Variants in GABRB3 observed in about 807,000 individuals in gnomAD.
GABRB3 encodes the protein gamma-aminobutyric acid receptor subunit beta-3.
Under a neutral mutation model 52.1 loss-of-function variants are expected in GABRB3, and 14 were observed. That is an observed-to-expected ratio of 0.27 (90% confidence interval 0.18 to 0.42). The LOEUF (loss-of-function observed/expected upper bound fraction) is 0.42. GABRB3 is among the 10% of genes least tolerant of loss of function. The probability of loss-of-function intolerance (pLI) is 1.00; values close to 1 mark genes in which losing one functional copy is unlikely to be tolerated. For synonymous variants in GABRB3, 260 were observed against 232.3 expected (o/e 1.12, Z -1.08); for missense variants, 307 against 609.1 (o/e 0.50, Z 5.22).
intron 3 of GABRB3, among the ~76,000 whole-genome samples, chr15:26,656,702 G>A (rs991396653): frequency 3.9e-5 from 6 of 152,168 alleles, no homozygotes; most frequent in Admixed American, 6.5e-5. Flanking sequence ...CCTTATGAGA[G>A]TCGAATGCCT....
chr15:26,768,196 GA>G (rs929608759), intron 3 of GABRB3, among the ~76,000 whole-genome samples: 5 of 150,820 alleles, frequency 3.3e-5, no homozygotes, highest in African/African-American at 7.3e-5. Context: ...CATGAAATGA[GA>G]AAAAAAAAGT....
chr15:26,704,600 T>C (rs540947462), intron 3 of GABRB3, among the ~76,000 whole-genome samples: 210 of 146,874 alleles, frequency 1.4e-3, no homozygotes, highest in African/African-American at 5.0e-3. Flanking sequence ...TTCTCTCTTC[T>C]CATATTTTAC....
In GABRB3 at chr15:26,755,005, CT is replaced by C. The variant is rs5811447; in HGVS notation, c.240+17396del. Among the ~76,000 whole-genome samples the C allele has an allele frequency of 4.6e-3, 638 of 139,140 alleles. 3 individuals are homozygous for C. Among genetic ancestry groups the C allele is most frequent in the African/African-American group, 0.015 (565 of 37,440 alleles). The allele number at this position is 139,140 out of a possible 152,430, so 91.3% of individuals were successfully genotyped here. On this transcript the variant is annotated intron_variant, in intron 3 of 8. Transcript: ENST00000311550. ...TAAAAATGGTTAGAGCCTCTAACAA[CT>C]TTTTTTTTTTTTTTTTGAGACGGAG... is the stretch of plus-strand genomic sequence containing the variant.
rs535789633 is a variant in GABRB3 at position 26,699,032 on chromosome 15, G to T, written c.240+73370C>A. ...CATTCATATAGTGTGATGAGCGTTTGATTTTACATTAAGTTAATGTTATGA... is the reference window on the plus strand; with the variant it reads ...CATTCATATAGTGTGATGAGCGTTTTATTTTACATTAAGTTAATGTTATGA... On this transcript the variant is annotated intron_variant, in intron 3 of 8. Coordinates refer to ENST00000311550, the MANE Select transcript of GABRB3 (RefSeq NM_000814.6). Among the ~76,000 whole-genome samples, 79 of 152,166 alleles carry T rather than the reference G, an allele frequency of 5.2e-4. 1 individual carries two copies. The East Asian group carries it at 0.013, about 25-fold the overall frequency.
intron 3 of GABRB3, among the ~76,000 whole-genome samples, chr15:26,703,753 C>T (rs1566812109): frequency 6.6e-6 from 1 of 152,166 alleles, no homozygotes; most frequent in South Asian, 2.1e-4. Context: ...CAAGTAAGTC[C>T]AAAACCCAAA....
chr15:26,554,207 A>ATATATTTATT lies in GABRB3; in HGVS notation c.1081-6074_1081-6073insAATAAATATA, dbSNP rs1348288306. Among the ~76,000 whole-genome samples, 449 of 57,816 alleles carry ATATATTTATT rather than the reference A, an allele frequency of 7.8e-3. 78 individuals carry two copies. Among genetic ancestry groups the ATATATTTATT allele is most frequent in the Non-Finnish European group, 0.015 (374 of 24,134 alleles). The allele number at this position is 57,816 out of a possible 152,430, so 37.9% of individuals were successfully genotyped here. A position where few individuals can be genotyped will look rare whatever the true frequency, so the allele number is the denominator to read the frequency against. ...ATATATATACTATATATATATATATATAGTAGAAACAAGGTCTCTCTTTGT... is the reference window on the plus strand; with the variant it reads ...ATATATATACTATATATATATATATATATATTTATTTAGTAGAAACAAGGTCTCTCTTTGT... On this transcript the variant is annotated intron_variant, in intron 8 of 8. Coordinates refer to ENST00000311550, the MANE Select transcript of GABRB3 (RefSeq NM_000814.6).
At chr15:26,687,811 G>C (rs923060726) in intron 3 of GABRB3, among the ~76,000 whole-genome samples, 1 of 152,200 alleles carries the variant, frequency 6.6e-6, no homozygotes, top group Non-Finnish European at 1.5e-5. Context: ...CTTCTGTGAT[G>C]AATGTTCTTT....
chr15:26,761,883 G>A (rs1396744679), intron 3 of GABRB3, among the ~76,000 whole-genome samples: 1 of 152,132 alleles, frequency 6.6e-6, no homozygotes, highest in Non-Finnish European at 1.5e-5. Flanking sequence ...CGCCCAGGCT[G>A]GAGTGCAGTG....
At chr15:26,603,555 T>C (rs1891662287) in intron 4 of GABRB3, among the ~76,000 whole-genome samples, 3 of 152,158 alleles carry the variant, frequency 2.0e-5, no homozygotes, top group East Asian at 3.9e-4. Flanking sequence ...TTCAAGAATA[T>C]GTTAAAACAA....
At chr15:26,655,673 T>G (rs1006440422) in intron 3 of GABRB3, among the ~76,000 whole-genome samples, 27 of 149,136 alleles carry the variant, frequency 1.8e-4, no homozygotes, top group African/African-American at 6.2e-4. Context: ...ATCCAGGAGG[T>G]GGAGTTTGCA....
At chr15:26,625,993 C>A (rs998772830) in intron 3 of GABRB3, among the ~76,000 whole-genome samples, 1 of 152,174 alleles carries the variant, frequency 6.6e-6, no homozygotes, top group East Asian at 1.9e-4. Context: ...GCATTTTTAA[C>A]AATTTGAAGG....
At chr15:26,692,059 A>C (rs939185359) in intron 3 of GABRB3, among the ~76,000 whole-genome samples, 12 of 152,234 alleles carry the variant, frequency 7.9e-5, no homozygotes, top group African/African-American at 2.9e-4. Context: ...GACTAAAGAG[A>C]ACATAATTAT....
chr15:26,762,108 G>A (rs759657955), intron 3 of GABRB3, among the ~76,000 whole-genome samples: 13 of 151,944 alleles, frequency 8.6e-5, no homozygotes, highest in Non-Finnish European at 1.8e-4. Flanking sequence ...CTGGGATTAC[G>A]GGCATAAAAC....
intron 8 of GABRB3, among the ~76,000 whole-genome samples, chr15:26,556,897 TGCTGTGGAGCCAGCA>T (rs1889773498): frequency 6.6e-6 from 1 of 151,932 alleles, no homozygotes; most frequent in Admixed American, 6.6e-5. Flanking sequence ...GCCAAGTCCC[TGCTGTGGAGCCAGCA>T]GCTGTCAGTC....
intron 3 of GABRB3, among the ~76,000 whole-genome samples, chr15:26,732,757 G>A (rs1017453808): frequency 9.2e-5 from 14 of 152,182 alleles, no homozygotes; most frequent in South Asian, 6.2e-4. Flanking sequence ...TTGGGAGGCC[G>A]AGGCAGGTGG....
chr15:26,725,856 T>G lies in GABRB3; in HGVS notation c.240+46546A>C, dbSNP rs575082946. Among the ~76,000 whole-genome samples, 43 of 152,336 alleles carry G rather than the reference T, an allele frequency of 2.8e-4. 2 individuals carry two copies. In the South Asian group the frequency reaches 8.7e-3, roughly 31 times the overall value. On this transcript the variant is annotated intron_variant, in intron 3 of 8. Transcript: ENST00000311550. Reference sequence around the variant, plus strand: ...TGCATGAAACAAAGTTTGCATATGTTGAACCATCAAAAATCAAAGGTGTCA... The same window carrying G: ...TGCATGAAACAAAGTTTGCATATGTGGAACCATCAAAAATCAAAGGTGTCA...
At chr15:26,597,606 G>A (rs1319238987) in intron 4 of GABRB3, among the ~76,000 whole-genome samples, 1 of 152,176 alleles carries the variant, frequency 6.6e-6, no homozygotes, top group Non-Finnish European at 1.5e-5. Flanking sequence ...GATGAGCAGA[G>A]AAATGGAAGA....
intron 3 of GABRB3, among the ~76,000 whole-genome samples, chr15:26,747,753 A>G (rs554993759): frequency 3.3e-5 from 5 of 152,144 alleles, no homozygotes; most frequent in African/African-American, 4.8e-5. Context: ...GTGAAAGTGG[A>G]TATCTTTGCC....
At chr15:26,670,926 G>A (rs1887879758) in intron 3 of GABRB3, among the ~76,000 whole-genome samples, 1 of 151,800 alleles carries the variant, frequency 6.6e-6, no homozygotes, top group Non-Finnish European at 1.5e-5. Context: ...TCAGAGAAAC[G>A]TCGCTCAGTT....
Sources: allele counts gnomAD v4.1 joint callset (sites outside exome capture counted in the v4.1 genomes callset), GRCh38; gene constraint gnomAD v4.1.1; transcripts MANE v1.5; gene names NCBI Gene and HGNC (gene_info 2026-07-23, HGNC 2026-07-21).